ARHGAP21: variants seen among roughly 807,000 people sequenced by gnomAD.
ARHGAP21 encodes rho GTPase-activating protein 21.
A neutral mutation model predicts 164.6 loss-of-function variants in ARHGAP21; 38 were observed. The ratio of observed to expected loss-of-function variants is 0.23; its 90% CI spans 0.18 to 0.30. The LOEUF (loss-of-function observed/expected upper bound fraction) is 0.30, where lower values mean the gene tolerates loss of function less well. Among genes scored for constraint, ARHGAP21 ranks in the 10% least tolerant of loss-of-function variants. ARHGAP21 has a pLI of 1.00. For missense variants in ARHGAP21, 1,822 were observed against 2,370.7 expected, an observed-to-expected ratio of 0.77 and a Z score of 4.81; for synonymous variants, 766 against 857.9, an observed-to-expected ratio of 0.89 and a Z score of 1.87.
At chr10:24,689,858 ATGTATG>A (rs1298321234) in intron 2 of ARHGAP21, among the ~76,000 whole-genome samples, 3 of 148,334 alleles carry the variant, frequency 2.0e-5, no homozygotes, top group African/African-American at 4.9e-5. Context: ...ATATATGTAT[ATGTATG>A]TGTATATATA....
chr10:24,600,152 C>G (rs2076755641), intron 14 of ARHGAP21, among the ~76,000 whole-genome samples: 1 of 92,258 alleles, frequency 1.1e-5, no homozygotes, highest in African/African-American at 4.1e-5. Context: ...AAAAAAAAAG[C>G]TGACTTATGA....
At chr10:24,663,377 A>G (rs1459257712) in intron 4 of ARHGAP21, among the ~76,000 whole-genome samples, 1 of 152,202 alleles carries the variant, frequency 6.6e-6, no homozygotes, top group East Asian at 1.9e-4. Context: ...GCAGCCTTGA[A>G]TATCCATTCT....
Position 24,633,883 on chromosome 10 carries a change from C to CTTTTTTTTTTTT in ARHGAP21, c.362-415_362-404dup, listed in dbSNP as rs3073324. On this transcript the variant is annotated intron_variant, in intron 5 of 25. Coordinates refer to ENST00000396432, the MANE Select transcript of ARHGAP21 (RefSeq NM_020824.4). The stretch of plus-strand genomic sequence containing the variant: ...CTCCACGTACCCTGTCTTTTTTTCT[C>CTTTTTTTTTTTT]TTTTTTTTTTTTTTTTTTTTTTTTT... 3.6e-4 allele frequency among the ~76,000 whole-genome samples: 27 copies of CTTTTTTTTTTTT among 75,494 alleles called. 2 individuals carry two copies. The highest frequency in any genetic ancestry group is 1.3e-3 in the East Asian group (3 of 2,230). 49.5% of individuals were successfully genotyped at this position (75,494 alleles called of 152,430 possible). A position where few individuals can be genotyped will look rare whatever the true frequency, so the allele number is the denominator to read the frequency against.
intron 4 of ARHGAP21, among the ~76,000 whole-genome samples, chr10:24,659,324 T>A (rs1839431093): frequency 6.6e-6 from 1 of 152,234 alleles, no homozygotes; most frequent in African/African-American, 2.4e-5. Context: ...GAATCCTCTT[T>A]CTTTTTTTTG....
intron 2 of ARHGAP21, among the ~76,000 whole-genome samples, chr10:24,683,664 T>G (rs1267869316): frequency 6.6e-6 from 1 of 152,050 alleles, no homozygotes; most frequent in Non-Finnish European, 1.5e-5. Context: ...TAATATAAAT[T>G]GTAAAGGAAT....
intron 11 of ARHGAP21, among the ~76,000 whole-genome samples, chr10:24,606,151 G>A (rs1452433391): frequency 1.3e-5 from 2 of 151,998 alleles, no homozygotes; most frequent in Admixed American, 6.5e-5. Flanking sequence ...TAATTCTGGA[G>A]TAGTGACAGA....
In ARHGAP21 at chr10:24,655,557, G is replaced by A. The variant is rs554548553; in HGVS notation, c.268+11428C>T. ...GCGGCTGGAGGAGCGGACGGGCCCC[G>A]CGGGGCCCGAGGGCAAGGAGCAGCC... On this transcript the variant is annotated intron_variant, in intron 4 of 25. Coordinates refer to ENST00000396432, the MANE Select transcript of ARHGAP21 (RefSeq NM_020824.4). 1.8e-3 allele frequency among the ~76,000 whole-genome samples: 262 copies of A among 149,460 alleles called. 1 individual carries two copies. Among genetic ancestry groups the A allele is most frequent in the African/African-American group, 5.8e-3 (239 of 40,942 alleles).
In ARHGAP21 at chr10:24,721,944, A is replaced by C; in HGVS notation, c.-45T>G. 1.2e-6 allele frequency: 2 copies of C among 1,604,672 alleles called. No homozygotes were observed. Among genetic ancestry groups the C allele is most frequent in the Non-Finnish European group, 1.7e-6 (2 of 1,172,952 alleles). On this transcript the variant is annotated 5_prime_UTR_variant, in exon 2 of 26. It removes an upstream start codon present in the reference 5' UTR. Transcript: ENST00000396432. ...AAGGGACAAATCCTTTGGAGTCCAC[A>C]TTGGACGTGGCGGGGAATGCCACCA...
chr10:24,682,504 T>A (rs1253811055), intron 2 of ARHGAP21, among the ~76,000 whole-genome samples: 1 of 152,188 alleles, frequency 6.6e-6, no homozygotes, highest in Non-Finnish European at 1.5e-5. Flanking sequence ...CCTCACATAG[T>A]AGGATTCTTT....
chr10:24,641,926 G>GT (rs1220677745), intron 4 of ARHGAP21, among the ~76,000 whole-genome samples: 5 of 151,802 alleles, frequency 3.3e-5, no homozygotes, highest in Admixed American at 2.0e-4. Flanking sequence ...AACACGGGAG[G>GT]TGGAGGTTGC....
At chr10:24,652,144 C>T (rs925274909) in intron 4 of ARHGAP21, among the ~76,000 whole-genome samples, 1 of 151,930 alleles carries the variant, frequency 6.6e-6, no homozygotes, top group African/African-American at 2.4e-5. Flanking sequence ...GGAGGCTGTA[C>T]AAAAATGAGC....
At chr10:24,722,510 A>G (rs1019525659) in intron 1 of ARHGAP21, 1 of 154,338 alleles carries the variant, frequency 6.5e-6, no homozygotes, top group Non-Finnish European at 1.4e-5. Context: ...GCCTTCAAGA[A>G]AAAATGTTCC....
intron 2 of ARHGAP21, among the ~76,000 whole-genome samples, chr10:24,714,098 A>C (rs1845126876): frequency 6.6e-6 from 1 of 152,248 alleles, no homozygotes; most frequent in Non-Finnish European, 1.5e-5. Flanking sequence ...TCGTTTTAGT[A>C]ATCTAATCAC....
intron 2 of ARHGAP21, among the ~76,000 whole-genome samples, chr10:24,685,163 C>A (rs1842101210): frequency 6.6e-6 from 1 of 152,078 alleles, no homozygotes; most frequent in Non-Finnish European, 1.5e-5. Context: ...AATAAATATT[C>A]AAATTTGTTT....
At chr10:24,626,952 T>C (rs1351112967) in intron 7 of ARHGAP21, among the ~76,000 whole-genome samples, 2 of 152,212 alleles carry the variant, frequency 1.3e-5, no homozygotes, top group East Asian at 1.9e-4. Context: ...AAAACATAAA[T>C]GAATTATTCT....
chr10:24,667,848 A>C (rs1039566140), intron 3 of ARHGAP21, among the ~76,000 whole-genome samples: 1 of 152,060 alleles, frequency 6.6e-6, no homozygotes, highest in Admixed American at 6.6e-5. Flanking sequence ...TATTAATTAC[A>C]CATTTTCTAA....
At chr10:24,674,167 G>T (rs1840987079) in intron 2 of ARHGAP21, among the ~76,000 whole-genome samples, 1 of 151,928 alleles carries the variant, frequency 6.6e-6, no homozygotes, top group Admixed American at 6.6e-5. Context: ...GACTGAGGCA[G>T]GAGGATCTCA....
At chr10:24,652,194 G>T (rs1838248033) in intron 4 of ARHGAP21, among the ~76,000 whole-genome samples, 1 of 152,188 alleles carries the variant, frequency 6.6e-6, no homozygotes, top group African/African-American at 2.4e-5. Flanking sequence ...TCTAGAAACA[G>T]ATCTACACAC....
At chr10:24,674,409 C>T (rs1196127272) in intron 2 of ARHGAP21, among the ~76,000 whole-genome samples, 1 of 152,176 alleles carries the variant, frequency 6.6e-6, no homozygotes, top group African/African-American at 2.4e-5. Flanking sequence ...TGGCATGCGC[C>T]TGTAATCCCA....
Sources: gnomAD v4.1 joint callset for allele counts (sites outside exome capture counted in the v4.1 genomes callset) on GRCh38, gnomAD v4.1.1 for gene constraint, MANE v1.5 for transcripts, NCBI Gene and HGNC (gene_info 2026-07-23, HGNC 2026-07-21) for gene names.